RTF1: variants seen among roughly 807,000 people sequenced by gnomAD.
RTF1 encodes the protein RNA polymerase-associated protein RTF1 homolog.
In RTF1, 10 loss-of-function variants were observed where a neutral mutation model predicts 95.7. That is an observed-to-expected ratio of 0.10 (90% confidence interval 0.06 to 0.18). The LOEUF (loss-of-function observed/expected upper bound fraction) is 0.18. RTF1 is among the 10% of genes least tolerant of loss of function. The pLI is 1.00. For synonymous variants in RTF1, 305 were observed against 311.8 expected (o/e 0.98, Z 0.23); for missense variants, 458 against 875.6 (o/e 0.52, Z 6.02).
At chr15:41,448,382 G>A (rs1276098875) in intron 2 of RTF1, among the ~76,000 whole-genome samples, 3 of 152,066 alleles carry the variant, frequency 2.0e-5, no homozygotes, top group Non-Finnish European at 2.9e-5. Flanking sequence ...AATGGGAAAT[G>A]TTGGCCGGGA....
chr15:41,461,936 T>C (rs531917009), intron 4 of RTF1, among the ~76,000 whole-genome samples: 2 of 149,656 alleles, frequency 1.3e-5, no homozygotes, highest in Admixed American at 6.7e-5. Context: ...TTTTTTTTTT[T>C]AGAGAGGGGG....
chr15:41,428,499 A>G (rs1191703222), intron 1 of RTF1, among the ~76,000 whole-genome samples: 2 of 149,336 alleles, frequency 1.3e-5, no homozygotes, highest in Non-Finnish European at 3.0e-5. Flanking sequence ...CGATCTCCTG[A>G]CCTTGTGATC....
intron 1 of RTF1, among the ~76,000 whole-genome samples, chr15:41,424,554 G>A (rs1390433824): frequency 1.3e-5 from 2 of 152,166 alleles, no homozygotes; most frequent in South Asian, 2.1e-4. Flanking sequence ...GTCAGTTTAC[G>A]GACTACACTC....
intron 3 of RTF1, among the ~76,000 whole-genome samples, chr15:41,456,249 G>A (rs986102399): frequency 2.0e-5 from 3 of 151,796 alleles, no homozygotes; most frequent in Admixed American, 1.3e-4. Flanking sequence ...CACTTTGGGA[G>A]GCTGAGGTCG....
intron 6 of RTF1, among the ~76,000 whole-genome samples, chr15:41,467,671 C>T (rs1306562346): frequency 1.5e-4 from 22 of 151,202 alleles, no homozygotes; most frequent in African/African-American, 5.1e-4. Context: ...GCTGAGATTC[C>T]GCCACTGCGC....
At position 41,475,616 on chromosome 15, in the gene RTF1, C is replaced by T. The variant is rs757298324; in HGVS notation, c.1374+4C>T. ...GTTTATGAAGTGGAAAGAAGCGGTA[C>T]GTGGCTAGAGATTACCTAGCAGTTG... On this transcript the variant is annotated splice_donor_region_variant and intron_variant, in intron 10 of 17. Coordinates refer to ENST00000389629, the MANE Select transcript of RTF1 (RefSeq NM_015138.5). 35 of 1,612,652 alleles carry T rather than the reference C, an allele frequency of 2.2e-5. No individual in the cohort carries two copies. Among genetic ancestry groups the T allele is most frequent in the Admixed American group, 1.7e-4 (10 of 59,948 alleles).
intron 8 of RTF1, among the ~76,000 whole-genome samples, chr15:41,474,147 A>C (rs753423183): frequency 1.3e-5 from 2 of 152,012 alleles, no homozygotes; most frequent in Non-Finnish European, 2.9e-5. Flanking sequence ...AAAGTGCTGG[A>C]ATTACAGGCC....
chr15:41,450,724 A>G (rs1443244961), intron 2 of RTF1, among the ~76,000 whole-genome samples: 3 of 152,144 alleles, frequency 2.0e-5, no homozygotes, highest in Admixed American at 6.6e-5. Context: ...CCAAGGCTGG[A>G]GGATTGTATG....
At chr15:41,455,468 A>G (rs1423477018) in intron 3 of RTF1, among the ~76,000 whole-genome samples, 1 of 152,138 alleles carries the variant, frequency 6.6e-6, no homozygotes, top group African/African-American at 2.4e-5. Flanking sequence ...GTATGTTCTC[A>G]TGTATAAGTG....
At position 41,481,315 on chromosome 15, in the gene RTF1, CA is replaced by C. The variant is rs1429263629; in HGVS notation, c.*629del. 1.3e-5 allele frequency: 2 copies of C among 150,916 alleles called. No individual in the cohort carries two copies. The highest frequency in any genetic ancestry group is 4.9e-5 in the African/African-American group (2 of 40,732). 9.3% of individuals were successfully genotyped at this position (150,916 alleles called of 1,614,324 possible). On this transcript the variant is annotated 3_prime_UTR_variant, in exon 18 of 18. Transcript: ENST00000389629. The stretch of plus-strand genomic sequence containing the variant: ...TGTGTAAGTGTGTGGATTTTTTTAT[CA>C]TTTTTTTAAAATGCAGTACTCTTTG...
chr15:41,422,074 G>T (rs968098247), intron 1 of RTF1, among the ~76,000 whole-genome samples: 1 of 151,810 alleles, frequency 6.6e-6, no homozygotes, highest in African/African-American at 2.4e-5. Context: ...TCACTCTATC[G>T]CCCAGACTGG....
chr15:41,439,366 C>T (rs1472186227), intron 2 of RTF1, among the ~76,000 whole-genome samples: 1 of 152,064 alleles, frequency 6.6e-6, no homozygotes, highest in Non-Finnish European at 1.5e-5. Context: ...TCTTTTTAAT[C>T]TCACTTTCAA....
chr15:41,437,291 C>T (rs940877307), intron 1 of RTF1, among the ~76,000 whole-genome samples: 23 of 151,394 alleles, frequency 1.5e-4, no homozygotes, highest in African/African-American at 4.8e-4. Context: ...GTCAGGAGAT[C>T]GAGAGCATCC....
chr15:41,418,811 G>A lies in RTF1; in HGVS notation c.198+1498G>A, dbSNP rs1336084050. Among the ~76,000 whole-genome samples, 19 of 148,542 alleles carry A rather than the reference G, an allele frequency of 1.3e-4. No homozygotes were observed. The East Asian group carries it at 2.9e-3, about 23-fold the overall frequency. On this transcript the variant is annotated intron_variant, in intron 1 of 17. Coordinates refer to ENST00000389629, the MANE Select transcript of RTF1 (RefSeq NM_015138.5). ...AAAAAAAAAAAAAAAAGAAAAGAAA[G>A]AAAAAGAAAGTATTAAGGCATAAAA... is the stretch of plus-strand genomic sequence containing the variant.
chr15:41,428,417 G>A (rs980588663), intron 1 of RTF1, among the ~76,000 whole-genome samples: 1 of 150,562 alleles, frequency 6.6e-6, no homozygotes, highest in Non-Finnish European at 1.5e-5. Flanking sequence ...ACAGGTGCCC[G>A]CCACTACACC....
intron 2 of RTF1, among the ~76,000 whole-genome samples, chr15:41,441,349 G>T (rs1275128745): frequency 1.3e-5 from 2 of 152,138 alleles, no homozygotes; most frequent in African/African-American, 4.8e-5. Flanking sequence ...TTGCCACTCA[G>T]TATTGTATTA....
At chr15:41,458,294 T>C (rs1039886691) in intron 4 of RTF1, among the ~76,000 whole-genome samples, 1 of 152,172 alleles carries the variant, frequency 6.6e-6, no homozygotes, top group African/African-American at 2.4e-5. Context: ...GGCACAGAGA[T>C]ATGCACTAAA....
chr15:41,454,649 T>C (rs2140959235), intron 3 of RTF1, among the ~76,000 whole-genome samples: 2 of 152,216 alleles, frequency 1.3e-5, no homozygotes, highest in South Asian at 4.1e-4. Context: ...TACCAAGTAA[T>C]CCAAATTAAA....
intron 4 of RTF1, among the ~76,000 whole-genome samples, chr15:41,462,787 G>A (rs1328288406): frequency 3.3e-5 from 5 of 152,002 alleles, no homozygotes; most frequent in Non-Finnish European, 5.9e-5. Context: ...ACAGGGTCTC[G>A]TTCTGTCACC....
Sources: gnomAD v4.1 joint callset for allele counts (sites outside exome capture counted in the v4.1 genomes callset) on GRCh38, gnomAD v4.1.1 for gene constraint, MANE v1.5 for transcripts, NCBI Gene and HGNC (gene_info 2026-07-23, HGNC 2026-07-21) for gene names.